The following SCUBE1 variants were observed in gnomAD, a reference collection of about 807,000 sequenced individuals.
SCUBE1 encodes signal peptide, CUB and EGF-like domain-containing protein 1.
A neutral mutation model predicts 124.4 loss-of-function variants in SCUBE1; 59 were observed. The observed-to-expected ratio is 0.47, with a 90% CI of 0.38 to 0.59. SCUBE1 has a LOEUF of 0.59. Among genes scored for constraint, SCUBE1 ranks in the 20% least tolerant of loss-of-function variants. The pLI is 0.00. For missense variants in SCUBE1, 1,150 were observed against 1,371.2 expected (o/e 0.84, Z 2.55); for synonymous variants, 545 against 550.9 (o/e 0.99, Z 0.15).
At chr22:43,330,774 G>A (rs902159937) in intron 2 of SCUBE1, among the ~76,000 whole-genome samples, 4 of 152,212 alleles carry the variant, frequency 2.6e-5, no homozygotes, top group African/African-American at 7.2e-5. Flanking sequence ...AGCAGAGCTG[G>A]CAAGCAACAT....
Position 43,320,029 on chromosome 22 carries a change from C to G in SCUBE1, c.257G>C (p.Gly86Ala). The change falls in exon 3 of 22, where the codon GGC (glycine) becomes GCC (alanine). Residue 86 changes from glycine (G) to alanine (A), a missense_variant. Physicochemically the swap from Gly to Ala is moderately conservative, Grantham distance 60 (BLOSUM62 0). This residue lies in a region of SCUBE1 where 337 missense variants were observed against 482.1 expected (regional missense o/e 0.70). Coordinates refer to ENST00000360835, the MANE Select transcript of SCUBE1 (RefSeq NM_173050.5). ...DECENDYYNG[G>A]CVHECINIPG... ...GATGTTGATGCACTCGTGGACACAGCCCCCATTGTAGTAGTCATTCTCACA... is the reference window on the plus strand; with the variant it reads ...GATGTTGATGCACTCGTGGACACAGGCCCCATTGTAGTAGTCATTCTCACA... 1 of 1,614,062 alleles carries G rather than the reference C, an allele frequency of 6.2e-7. No homozygotes were observed. Among genetic ancestry groups the G allele is most frequent in the Middle Eastern group, 1.6e-4 (1 of 6,062 alleles).
intron 16 of SCUBE1, 31 bp downstream of exon 16, chr22:43,214,059 C>A (rs755857806): frequency 2.0e-6 from 1 of 507,344 alleles, no homozygotes; most frequent in South Asian, 2.0e-5. Flanking sequence ...CCACCCCCCA[C>A]CCCCACCTCT....
chr22:43,343,141 G>A, intron 1 of SCUBE1, 33 bp downstream of exon 1: 1 of 1,096,684 alleles, frequency 9.1e-7, no homozygotes, highest in Non-Finnish European at 1.1e-6. Context: ...AGCCCCCCGC[G>A]CCCGCCGCCC....
At chr22:43,290,675 T>C (rs1008291595) in intron 4 of SCUBE1, among the ~76,000 whole-genome samples, 16 of 152,192 alleles carry the variant, frequency 1.1e-4, no homozygotes, top group African/African-American at 3.9e-4. Flanking sequence ...GACAGAGAAG[T>C]TGGCACACAG....
At position 43,205,732 on chromosome 22, in the gene SCUBE1, C is replaced by T. The variant is rs1471917229; in HGVS notation, c.2815-1583G>A. Among the ~76,000 whole-genome samples the T allele has an allele frequency of 2.2e-5, 2 of 92,434 alleles. 1 individual carries two copies. Among genetic ancestry groups the T allele is most frequent in the African/African-American group, 1.2e-4 (2 of 16,972 alleles). 60.6% of individuals were successfully genotyped at this position (92,434 alleles called of 152,430 possible). A position where few individuals can be genotyped will look rare whatever the true frequency, so the allele number is the denominator to read the frequency against. ...CTCACCACACACTCACCCCCACACA[C>T]ACCACACGCCCACTCACCACTCACC... On this transcript the variant is annotated intron_variant, in intron 21 of 21. Coordinates refer to ENST00000360835, the MANE Select transcript of SCUBE1 (RefSeq NM_173050.5).
At chr22:43,265,342 C>A (rs1192028325) in intron 4 of SCUBE1, among the ~76,000 whole-genome samples, 1 of 152,174 alleles carries the variant, frequency 6.6e-6, no homozygotes, top group Non-Finnish European at 1.5e-5. Context: ...ACTGCAGTAA[C>A]CCACAGTCAA....
At chr22:43,276,850 G>A (rs1924542340) in intron 4 of SCUBE1, among the ~76,000 whole-genome samples, 1 of 152,214 alleles carries the variant, frequency 6.6e-6, no homozygotes, top group Non-Finnish European at 1.5e-5. Context: ...CTCTAGAACA[G>A]GCGTGCAGGC....
At chr22:43,342,793 C>T (rs1027051094) in intron 1 of SCUBE1, among the ~76,000 whole-genome samples, 14 of 151,990 alleles carry the variant, frequency 9.2e-5, no homozygotes, top group Non-Finnish European at 1.6e-4. Flanking sequence ...CTGGCGTGTC[C>T]CCCTCCGCCC....
At chr22:43,262,296 C>T (rs1381965306) in intron 5 of SCUBE1, among the ~76,000 whole-genome samples, 2 of 152,144 alleles carry the variant, frequency 1.3e-5, no homozygotes, top group African/African-American at 4.8e-5. Flanking sequence ...GATCTTTGGT[C>T]CCGGAAAAAA....
chr22:43,323,239 C>G (rs1023788260), intron 2 of SCUBE1, among the ~76,000 whole-genome samples: 8 of 152,188 alleles, frequency 5.3e-5, no homozygotes, highest in African/African-American at 1.9e-4. Context: ...CACATACACA[C>G]ATACACATGT....
rs368739469 is a variant in SCUBE1 at position 43,318,591 on chromosome 22, A to G, written c.349+1346T>C. Among the ~76,000 whole-genome samples the G allele has an allele frequency of 6.6e-5, 10 of 152,332 alleles. No individual in the cohort carries two copies. In the East Asian group the frequency reaches 7.7e-4, roughly 12 times the overall value. ...AATGCATGCTGACTATCTGATCACCACTATGGTAAAAACACACTTGGATGC... is the reference window on the plus strand; with the variant it reads ...AATGCATGCTGACTATCTGATCACCGCTATGGTAAAAACACACTTGGATGC... On this transcript the variant is annotated intron_variant, in intron 3 of 21. Transcript: ENST00000360835.
At chr22:43,262,954 G>A in intron 4 of SCUBE1, 109 bp from the exon 5 acceptor site, 1 of 1,194,870 alleles carries the variant, frequency 8.4e-7, no homozygotes, top group Non-Finnish European at 1.2e-6. Flanking sequence ...CAAATGGGCT[G>A]TCATTGCATG....
At chr22:43,315,145 T>C (rs921994224) in intron 3 of SCUBE1, among the ~76,000 whole-genome samples, 2 of 152,194 alleles carry the variant, frequency 1.3e-5, no homozygotes, top group Non-Finnish European at 2.9e-5. Flanking sequence ...GGTTGCCAGC[T>C]TGAAGCCTTT....
chr22:43,256,323 G>A (rs1461184776), intron 6 of SCUBE1, among the ~76,000 whole-genome samples: 2 of 152,238 alleles, frequency 1.3e-5, no homozygotes, highest in Non-Finnish European at 2.9e-5. Context: ...AGCTGGCCAG[G>A]GAGCATCCTG....
intron 6 of SCUBE1, among the ~76,000 whole-genome samples, chr22:43,257,271 C>T (rs1241678566): frequency 6.6e-6 from 1 of 152,096 alleles, no homozygotes; most frequent in Non-Finnish European, 1.5e-5. Context: ...CTGAGTCTCC[C>T]TCAAGAAGTA....
In SCUBE1 at chr22:43,210,609, G is replaced by A. The variant is rs779830601; in HGVS notation, c.2383+313C>T. Among the ~76,000 whole-genome samples, 32 of 152,188 alleles carry A rather than the reference G, an allele frequency of 2.1e-4. No homozygotes were observed. Among genetic ancestry groups the A allele is most frequent in the Non-Finnish European group, 4.1e-4 (28 of 68,022 alleles). On this transcript the variant is annotated intron_variant, in intron 18 of 21. Transcript: ENST00000360835. This position sits in a 1 kb window ranked among gnomAD's most constrained non-coding sequence, Gnocchi z 4.5. Reference sequence around the variant, plus strand: ...CTGTCAGTGCCCCTGTAGGCTGTCAGCCCCCCCAGCAGACCCAGAAACTAG... The same window carrying A: ...CTGTCAGTGCCCCTGTAGGCTGTCAACCCCCCCAGCAGACCCAGAAACTAG...
At chr22:43,218,205 T>C (rs549148827) in intron 15 of SCUBE1, 50 bp downstream of exon 15, 10 of 1,579,064 alleles carry the variant, frequency 6.3e-6, no homozygotes, top group Admixed American at 5.0e-5. Context: ...CCGGCTCATG[T>C]GCAAGGAAGG....
intron 4 of SCUBE1, among the ~76,000 whole-genome samples, chr22:43,280,567 G>GTCCCTTCCCCTCACCCATCCTC (rs1924756995): frequency 1.5e-5 from 1 of 66,038 alleles, no homozygotes; most frequent in Non-Finnish European, 2.8e-5. Flanking sequence ...CACCCATCCT[G>GTCCCTTCCCCTCACCCATCCTC]CTGTCCCTTC....
In SCUBE1 at chr22:43,198,942, G is replaced by C. The variant is rs200044285; in HGVS notation, c.*5055C>G. On this transcript the variant is annotated 3_prime_UTR_variant, in exon 22 of 22. Transcript: ENST00000360835. Reference sequence around the variant, plus strand: ...GCTGTCTGGGGCAGTTTGTCTGTCTGTCTGCTGTCCGGGGCAGTTTTTCTG... The same window carrying C: ...GCTGTCTGGGGCAGTTTGTCTGTCTCTCTGCTGTCCGGGGCAGTTTTTCTG... The C allele has an allele frequency of 2.7e-6, 1 of 368,022 alleles. No homozygotes were observed. The highest frequency in any genetic ancestry group is 2.2e-5 in the African/African-American group (1 of 46,138). 22.8% of individuals were successfully genotyped at this position (368,022 alleles called of 1,614,324 possible). A position where few individuals can be genotyped will look rare whatever the true frequency, so the allele number is the denominator to read the frequency against.
Sources: gnomAD v4.1 joint callset for allele counts (sites outside exome capture counted in the v4.1 genomes callset) on GRCh38, gnomAD v4.1.1 for gene constraint, gnomAD v4.1.1 regional missense constraint, Gnocchi (gnomAD v3.1) non-coding constraint, MANE v1.5 for transcripts, NCBI Gene and HGNC (gene_info 2026-07-23, HGNC 2026-07-21) for gene names.